Variants in ACSS2 observed in about 807,000 individuals in gnomAD.
The protein encoded by ACSS2 is acyl-CoA synthetase short chain family member 2, also known as acetyl-coenzyme A synthetase, cytoplasmic.
In ACSS2, 58 loss-of-function variants were observed where a neutral mutation model predicts 90.6. The observed-to-expected ratio is 0.64, with a 90% CI of 0.52 to 0.80. ACSS2 has a LOEUF of 0.80. ACSS2 is among the 30% of genes least tolerant of loss of function. The pLI, the probability that ACSS2 is intolerant of heterozygous loss-of-function variation, is 0.00. For missense variants in ACSS2, 759 were observed against 912.0 expected (o/e 0.83, Z 2.16); for synonymous variants, 300 against 330.9 (o/e 0.91, Z 1.01).
intron 1 of ACSS2, among the ~76,000 whole-genome samples, chr20:34,881,609 G>T (rs2080073211): frequency 1.3e-5 from 2 of 152,122 alleles, no homozygotes; most frequent in Non-Finnish European, 2.9e-5. Flanking sequence ...GCCTCAAGGA[G>T]TTCCTCCTAA....
chr20:34,875,505 G>T (rs1042087595), upstream of ACSS2, among the ~76,000 whole-genome samples: 2 of 152,180 alleles, frequency 1.3e-5, no homozygotes, highest in African/African-American at 4.8e-5. Flanking sequence ...GGAGGCAGAG[G>T]TTGCAGTCAG....
At chr20:34,908,922 C>T (rs573349102) in intron 2 of ACSS2, 1 of 443,740 alleles carries the variant, frequency 2.3e-6, no homozygotes, top group African/African-American at 2.0e-5. Flanking sequence ...TCTGGTAATT[C>T]ATCCTACAGA....
intron 2 of ACSS2, among the ~76,000 whole-genome samples, chr20:34,897,600 T>C (rs28878236): frequency 6.6e-6 from 1 of 152,046 alleles, no homozygotes; most frequent in African/African-American, 2.4e-5. Context: ...CACCTGAGGT[T>C]GGTGGATCAC....
chr20:34,902,067 T>C (rs1166725020), intron 2 of ACSS2, among the ~76,000 whole-genome samples: 1 of 150,728 alleles, frequency 6.6e-6, no homozygotes, highest in African/African-American at 2.4e-5. Context: ...TTGATGTAGA[T>C]TTTCCATTTA....
intron 1 of ACSS2, among the ~76,000 whole-genome samples, chr20:34,878,562 T>C (rs1259736501): frequency 6.6e-6 from 1 of 152,210 alleles, no homozygotes; most frequent in Non-Finnish European, 1.5e-5. Context: ...TACCAAGTAA[T>C]GCAAGACAGG....
intron 8 of ACSS2, 37 bp from the exon 9 acceptor site, chr20:34,920,502 G>T: frequency 6.3e-7 from 1 of 1,599,762 alleles, no homozygotes; most frequent in Non-Finnish European, 8.5e-7. Flanking sequence ...GTAGGGGTGG[G>T]CATAAGACCC....
Position 34,913,091 on chromosome 20 carries a change from C to G in ACSS2, c.375-5C>G. The G allele has an allele frequency of 1.9e-6, 3 of 1,612,274 alleles. No individual in the cohort carries two copies. Among genetic ancestry groups the G allele is most frequent in the Non-Finnish European group, 2.5e-6 (3 of 1,178,334 alleles). On this transcript the variant is annotated splice_polypyrimidine_tract_variant and splice_region_variant and intron_variant, in intron 2 of 17. Coordinates refer to ENST00000360596, the MANE Select transcript of ACSS2 (RefSeq NM_018677.4). ...TAATCACTGGTTCTTTCTGGTATGT[C>G]TCAGGGAGGGCAATGAGCCAGGGGA...
chr20:34,902,746 G>A (rs1381680272), intron 2 of ACSS2, among the ~76,000 whole-genome samples: 2 of 151,806 alleles, frequency 1.3e-5, no homozygotes, highest in African/African-American at 4.8e-5. Context: ...TTAATTTTGA[G>A]ACAAGGTCTG....
At chr20:34,915,217 G>A in intron 7 of ACSS2, 1 of 1,613,912 alleles carries the variant, frequency 6.2e-7, no homozygotes, top group Non-Finnish European at 8.5e-7. Context: ...GCTCTTAACA[G>A]GGTAAACTGA....
intron 13 of ACSS2, 81 bp from the exon 14 acceptor site, chr20:34,923,242 C>T: frequency 9.6e-7 from 1 of 1,042,772 alleles, no homozygotes; most frequent in South Asian, 1.3e-5. Context: ...GGACACTTTC[C>T]CCCACATTTA....
chr20:34,903,945 A>G (rs1467946126), intron 2 of ACSS2, among the ~76,000 whole-genome samples: 7 of 151,756 alleles, frequency 4.6e-5, no homozygotes, highest in East Asian at 3.9e-4. Flanking sequence ...CAGTCTTTCA[A>G]TTATTCAACC....
intron 1 of ACSS2, among the ~76,000 whole-genome samples, chr20:34,878,895 C>CTTTTTTTTTTTTTTTTTTTTTTTT (rs11299664): frequency 7.8e-6 from 1 of 128,526 alleles, no homozygotes; most frequent in Non-Finnish European, 1.7e-5. Context: ...TTCTGCTTTT[C>CTTTTTTTTTTTTTTTTTTTTTTTT]TTTTTTTTTT....
chr20:34,875,778 CA>C (rs2079893593), upstream of ACSS2: 1 of 152,608 alleles, frequency 6.6e-6, no homozygotes, highest in South Asian at 2.0e-4. Context: ...GCCATTTGTG[CA>C]ATTAGGAGGT....
chr20:34,922,553 G>A (rs183170100), intron 13 of ACSS2, among the ~76,000 whole-genome samples: 2 of 152,298 alleles, frequency 1.3e-5, no homozygotes, highest in Non-Finnish European at 2.9e-5. Flanking sequence ...GTATTGAGCC[G>A]AAATTGTGCC....
chr20:34,915,321 C>T, intron 7 of ACSS2: 1 of 1,602,570 alleles, frequency 6.2e-7, no homozygotes, highest in Non-Finnish European at 8.5e-7. Context: ...CTCATCTGCC[C>T]TTTGCCTGTT....
chr20:34,904,491 T>C (rs941862625), intron 2 of ACSS2, among the ~76,000 whole-genome samples: 1 of 152,058 alleles, frequency 6.6e-6, no homozygotes, highest in Non-Finnish European at 1.5e-5. Flanking sequence ...AGGGACTAGA[T>C]CATGTAGGCC....
chr20:34,891,802 C>G (rs2080342853), intron 2 of ACSS2, among the ~76,000 whole-genome samples: 1 of 152,126 alleles, frequency 6.6e-6, no homozygotes, highest in Non-Finnish European at 1.5e-5. Context: ...GAACACCTCC[C>G]TAAAGTGGTG....
intron 1 of ACSS2, among the ~76,000 whole-genome samples, chr20:34,881,898 C>T (rs2080078529): frequency 6.6e-6 from 1 of 152,102 alleles, no homozygotes; most frequent in Non-Finnish European, 1.5e-5. Flanking sequence ...TAAGTAGAAG[C>T]TGGAGAAGGA....
In ACSS2 at chr20:34,921,319, C is replaced by A; in HGVS notation, c.1278-11C>A. On this transcript the variant is annotated splice_polypyrimidine_tract_variant and intron_variant, in intron 10 of 17. Coordinates refer to ENST00000360596, the MANE Select transcript of ACSS2 (RefSeq NM_018677.4). ...CTCAGAGCCTTCCTCTCTCCCATTC[C>A]CCTGCCCCAGGCATAGCCGGGCATC... 3 of 1,614,002 alleles carry A rather than the reference C, an allele frequency of 1.9e-6. No homozygotes were observed. The highest frequency in any genetic ancestry group is 2.5e-6 in the Non-Finnish European group (3 of 1,180,000).
Sources: gnomAD v4.1 joint callset for allele counts (sites outside exome capture counted in the v4.1 genomes callset) on GRCh38, gnomAD v4.1.1 for gene constraint, MANE v1.5 for transcripts, NCBI Gene and HGNC (gene_info 2026-07-23, HGNC 2026-07-21) for gene names.